Variants in SLC10A7 observed in about 807,000 individuals in gnomAD.
The protein encoded by SLC10A7 is sodium/bile acid cotransporter 7.
Under a neutral mutation model 43.2 loss-of-function variants are expected in SLC10A7, and 29 were observed. The ratio of observed to expected loss-of-function variants is 0.67; its 90% CI spans 0.50 to 0.92. The LOEUF (loss-of-function observed/expected upper bound fraction) is 0.92, where lower values mean the gene tolerates loss of function less well. Ranked by LOEUF, SLC10A7 falls within the 40% of genes least tolerant of loss-of-function variation. The pLI, the probability that SLC10A7 is intolerant of heterozygous loss-of-function variation, is 0.00. For missense variants in SLC10A7, 295 were observed against 403.2 expected, an observed-to-expected ratio of 0.73 and a Z score of 2.30; for synonymous variants, 152 against 144.8, an observed-to-expected ratio of 1.05 and a Z score of -0.35.
At chr4:146,274,709 A>G (rs1339520922) in intron 10 of SLC10A7, among the ~76,000 whole-genome samples, 8 of 152,196 alleles carry the variant, frequency 5.3e-5, no homozygotes, top group African/African-American at 1.9e-4. Flanking sequence ...CCATGGAATG[A>G]GGAAGAAGGT....
intron 4 of SLC10A7, among the ~76,000 whole-genome samples, chr4:146,486,516 T>C (rs1734933613): frequency 6.6e-6 from 1 of 152,216 alleles, no homozygotes; most frequent in Non-Finnish European, 1.5e-5. Flanking sequence ...TTGTTTTCCC[T>C]TATATCTAAA....
chr4:146,493,997 T>C (rs944171078), intron 4 of SLC10A7, among the ~76,000 whole-genome samples: 1 of 152,222 alleles, frequency 6.6e-6, no homozygotes, highest in Non-Finnish European at 1.5e-5. Context: ...TGAGCGAATT[T>C]AGAAGATCAA....
At chr4:146,406,087 T>G (rs2078021577) in intron 5 of SLC10A7, among the ~76,000 whole-genome samples, 2 of 152,188 alleles carry the variant, frequency 1.3e-5, no homozygotes, top group African/African-American at 4.8e-5. Flanking sequence ...TTAAAGTAAC[T>G]TATAAGATCT....
intron 1 of SLC10A7, 149 bp downstream of exon 1, chr4:146,521,469 A>AT (rs1738649448): frequency 2.0e-5 from 13 of 636,206 alleles, no homozygotes; most frequent in Non-Finnish European, 3.0e-5. Context: ...GGGTTGGTAA[A>AT]TTAGAAAATC....
chr4:146,446,862 C>T (rs1460534146), intron 4 of SLC10A7, among the ~76,000 whole-genome samples: 3 of 151,914 alleles, frequency 2.0e-5, no homozygotes, highest in East Asian at 3.9e-4. Context: ...ATTTTTATCA[C>T]GTGTATATAT....
chr4:146,510,467 G>A (rs974306425), intron 2 of SLC10A7, among the ~76,000 whole-genome samples: 6 of 151,838 alleles, frequency 4.0e-5, no homozygotes, highest in African/African-American at 1.5e-4. Flanking sequence ...CACCATGTTG[G>A]GCAGAATGGT....
At chr4:146,375,747 G>A (rs1251760653) in intron 5 of SLC10A7, among the ~76,000 whole-genome samples, 2 of 152,092 alleles carry the variant, frequency 1.3e-5, no homozygotes, top group East Asian at 3.9e-4. Flanking sequence ...CATGAGCTGT[G>A]TTAGGGTTGT....
At chr4:146,418,708 A>T (rs571725972) in intron 5 of SLC10A7, among the ~76,000 whole-genome samples, 73 of 152,244 alleles carry the variant, frequency 4.8e-4, no homozygotes, top group African/African-American at 1.7e-3. Context: ...TTCCCCACAC[A>T]CCAAGCAATT....
chr4:146,363,245 T>C (rs893252252), intron 5 of SLC10A7, among the ~76,000 whole-genome samples: 17 of 152,018 alleles, frequency 1.1e-4, no homozygotes, highest in African/African-American at 3.9e-4. Flanking sequence ...GATTTCAAGA[T>C]AAAAATGGTA....
intron 1 of SLC10A7, among the ~76,000 whole-genome samples, chr4:146,520,302 A>T (rs941361080): frequency 6.6e-6 from 1 of 152,196 alleles, no homozygotes; most frequent in Non-Finnish European, 1.5e-5. Context: ...CCTGATCTTC[A>T]CAAGAGTTTC....
chr4:146,365,137 C>T (rs556175012), intron 5 of SLC10A7, among the ~76,000 whole-genome samples: 1 of 152,080 alleles, frequency 6.6e-6, no homozygotes, highest in South Asian at 2.1e-4. Flanking sequence ...TATATTATGA[C>T]CACATAAGAC....
chr4:146,419,064 C>T (rs757454023), intron 5 of SLC10A7, among the ~76,000 whole-genome samples: 182 of 152,346 alleles, frequency 1.2e-3, no homozygotes, highest in Non-Finnish European at 2.0e-3. Flanking sequence ...CTTCCATGCC[C>T]TCTCCAGGGC....
chr4:146,372,590 T>C (rs936620526), intron 5 of SLC10A7, among the ~76,000 whole-genome samples: 1 of 152,194 alleles, frequency 6.6e-6, no homozygotes, highest in Admixed American at 6.5e-5. Context: ...AATACTTAGC[T>C]TATCTAATAA....
chr4:146,338,993 A>G lies in SLC10A7; in HGVS notation c.436-12997T>C, dbSNP rs549741522. Among the ~76,000 whole-genome samples the G allele has an allele frequency of 3.3e-5, 5 of 152,074 alleles. 1 individual carries two copies. Among genetic ancestry groups the G allele is most frequent in the African/African-American group, 1.2e-4 (5 of 41,518 alleles). ...AAAAAGCAAGGCAGAGACGTGGAAT[A>G]TGGAGGAGGGGGATAGTATGAAGTT... On this transcript the variant is annotated intron_variant, in intron 5 of 11. Coordinates refer to ENST00000335472, the MANE Select transcript of SLC10A7 (RefSeq NM_001029998.6).
intron 10 of SLC10A7, among the ~76,000 whole-genome samples, chr4:146,278,466 T>C (rs1211769083): frequency 6.6e-6 from 1 of 152,190 alleles, no homozygotes; most frequent in Non-Finnish European, 1.5e-5. Context: ...GGTAATTCTT[T>C]AACATTCCTA....
At chr4:146,442,947 T>G (rs1427920229) in intron 4 of SLC10A7, 126 bp from the exon 5 acceptor site, 3 of 683,166 alleles carry the variant, frequency 4.4e-6, no homozygotes, top group Non-Finnish European at 7.1e-6. Flanking sequence ...TAAAGCAAAG[T>G]TAGTCACTGC....
intron 5 of SLC10A7, among the ~76,000 whole-genome samples, chr4:146,434,011 GT>G (rs1730001461): frequency 6.6e-6 from 1 of 152,074 alleles, no homozygotes; most frequent in African/African-American, 2.4e-5. Flanking sequence ...TGTTGTGGCA[GT>G]TTTTTAAAAA....
At chr4:146,394,107 T>C (rs941688565) in intron 5 of SLC10A7, among the ~76,000 whole-genome samples, 1 of 152,186 alleles carries the variant, frequency 6.6e-6, no homozygotes, top group Admixed American at 6.5e-5. Context: ...ATCAGCACAA[T>C]TGGAAGTTTT....
At chr4:146,462,201 C>CT (rs1472295768) in intron 4 of SLC10A7, among the ~76,000 whole-genome samples, 2 of 151,694 alleles carry the variant, frequency 1.3e-5, no homozygotes, top group Non-Finnish European at 2.9e-5. Context: ...TGGATCTTCT[C>CT]TTTTTTTTCA....
Sources: allele counts gnomAD v4.1 joint callset (sites outside exome capture counted in the v4.1 genomes callset), GRCh38; gene constraint gnomAD v4.1.1; transcripts MANE v1.5; gene names NCBI Gene and HGNC (gene_info 2026-07-23, HGNC 2026-07-21).